The following CNNM2 variants were observed in gnomAD, a reference collection of about 807,000 sequenced individuals.
CNNM2 encodes the protein cyclin and CBS domain divalent metal cation transport mediator 2, also known as metal transporter CNNM2.
A neutral mutation model predicts 66.9 loss-of-function variants in CNNM2; 12 were observed. The observed-to-expected ratio is 0.18, with a 90% CI of 0.11 to 0.29. The LOEUF (loss-of-function observed/expected upper bound fraction) is 0.29, where lower values mean the gene tolerates loss of function less well. Ranked by LOEUF, CNNM2 falls within the 10% of genes least tolerant of loss-of-function variation. The pLI is 1.00. For missense variants in CNNM2, 705 were observed against 1,167.7 expected (o/e 0.60, Z 5.77); for synonymous variants, 557 against 501.8 (o/e 1.11, Z -1.47).
intron 1 of CNNM2, among the ~76,000 whole-genome samples, 190 bp from the exon 2 acceptor site, chr10:103,049,517 C>T (rs575396557): frequency 1.3e-5 from 2 of 152,322 alleles, no homozygotes; most frequent in South Asian, 4.1e-4. Flanking sequence ...TCTGGCGTAA[C>T]TTTCTGCCTT....
At chr10:102,922,764 C>T (rs1332496330) in intron 1 of CNNM2, among the ~76,000 whole-genome samples, 1 of 151,900 alleles carries the variant, frequency 6.6e-6, no homozygotes, top group East Asian at 1.9e-4. Flanking sequence ...TACCTGGTGA[C>T]ACCCCGTGCC....
At chr10:103,048,126 TGTTGGCCAG>T (rs1213270346) in intron 1 of CNNM2, among the ~76,000 whole-genome samples, 16 of 151,824 alleles carry the variant, frequency 1.1e-4, no homozygotes, top group African/African-American at 3.9e-4. Context: ...GGTTTCACCA[TGTTGGCCAG>T]GTTGGTCTTG....
rs2065762423 is a variant in CNNM2 at position 103,082,037 on chromosome 10, A to G, written c.*4857A>G. On this transcript the variant is annotated 3_prime_UTR_variant, in exon 8 of 8. Coordinates refer to ENST00000369878, the MANE Select transcript of CNNM2 (RefSeq NM_017649.5). ...AGGTTGAACTTCAAGCATCATGGAA[A>G]CAAAGGTTCTAGCTGCAAGAGAGTA... 6.6e-6 allele frequency: 1 copy of G among 152,252 alleles called. No homozygotes were observed. The highest frequency in any genetic ancestry group is 6.5e-5 in the Admixed American group (1 of 15,288). The allele number at this position is 152,252 out of a possible 1,614,324, so 9.4% of individuals were successfully genotyped here.
chr10:102,929,072 C>T (rs1232663317), intron 1 of CNNM2, among the ~76,000 whole-genome samples: 2 of 151,716 alleles, frequency 1.3e-5, no homozygotes, highest in Non-Finnish European at 2.9e-5. Context: ...CCAGCATGGC[C>T]AACATGGTGA....
At chr10:102,954,731 C>G (rs1038624596) in intron 1 of CNNM2, among the ~76,000 whole-genome samples, 3 of 152,258 alleles carry the variant, frequency 2.0e-5, no homozygotes, top group Middle Eastern at 3.4e-3. Flanking sequence ...GCTGGTTCTT[C>G]TGGATAGATA....
intron 1 of CNNM2, among the ~76,000 whole-genome samples, chr10:103,006,275 T>C (rs2064225190): frequency 6.6e-6 from 1 of 151,870 alleles, no homozygotes; most frequent in Non-Finnish European, 1.5e-5. Context: ...GTCTGGATCT[T>C]GGCTCACTGC....
At position 102,927,694 on chromosome 10, in the gene CNNM2, G is replaced by A. The variant is rs1435756645; in HGVS notation, c.1621+7593G>A. The A allele has an allele frequency of 9.0e-6, 3 of 332,020 alleles. No individual in the cohort carries two copies. The East Asian group carries it at 1.7e-4, about 19-fold the overall frequency. The allele number at this position is 332,020 out of a possible 1,614,324, so 20.6% of individuals were successfully genotyped here. A position where few individuals can be genotyped will look rare whatever the true frequency, so the allele number is the denominator to read the frequency against. On this transcript the variant is annotated intron_variant, in intron 1 of 7. Transcript: ENST00000369878. Reference sequence around the variant, plus strand: ...ACAGGAGAATCACTTGAACTTAGGTGGCGGAGGTTGCCGTGAGCTGAGATC... The same window carrying A: ...ACAGGAGAATCACTTGAACTTAGGTAGCGGAGGTTGCCGTGAGCTGAGATC...
At chr10:102,975,296 T>C (rs759925411) in intron 1 of CNNM2, among the ~76,000 whole-genome samples, 1 of 152,104 alleles carries the variant, frequency 6.6e-6, no homozygotes, top group Non-Finnish European at 1.5e-5. Flanking sequence ...ACTCATAATA[T>C]ACTATCATGA....
intron 1 of CNNM2, among the ~76,000 whole-genome samples, chr10:103,017,570 G>A (rs1041520735): frequency 6.6e-6 from 1 of 152,174 alleles, no homozygotes; most frequent in African/African-American, 2.4e-5. Context: ...GGGATAATGA[G>A]TGTGAACATG....
At chr10:103,074,090 C>G (rs1443963924) in intron 6 of CNNM2, among the ~76,000 whole-genome samples, 2 of 151,926 alleles carry the variant, frequency 1.3e-5, no homozygotes, top group African/African-American at 4.8e-5. Context: ...GAGTTCAAGA[C>G]CAGCTTAGTC....
intron 1 of CNNM2, among the ~76,000 whole-genome samples, chr10:103,038,120 G>T (rs929248235): frequency 3.7e-4 from 57 of 152,112 alleles, no homozygotes; most frequent in Non-Finnish European, 1.6e-4. Context: ...GATTACAGGC[G>T]TTGAGTCACC....
chr10:102,932,234 A>C (rs1362942496), intron 1 of CNNM2, among the ~76,000 whole-genome samples: 2 of 150,072 alleles, frequency 1.3e-5, no homozygotes, highest in Non-Finnish European at 1.5e-5. Context: ...TCATTTTTTG[A>C]GCAACGGGGT....
At chr10:103,061,121 G>C (rs1015714294) in intron 4 of CNNM2, among the ~76,000 whole-genome samples, 1 of 152,166 alleles carries the variant, frequency 6.6e-6, no homozygotes, top group Non-Finnish European at 1.5e-5. Context: ...AACTGGCCGG[G>C]CGTGGTGGCT....
At chr10:103,043,213 T>A (rs2065072300) in intron 1 of CNNM2, among the ~76,000 whole-genome samples, 1 of 152,170 alleles carries the variant, frequency 6.6e-6, no homozygotes, top group African/African-American at 2.4e-5. Flanking sequence ...TGAGTGGCAT[T>A]TTAGGACCCC....
In CNNM2 at chr10:102,918,894, C is replaced by T. The variant is rs780495399; in HGVS notation, c.414C>T (p.Pro138=). The stretch of plus-strand genomic sequence containing the variant: ...CGGGGGAGCGCGGGCTGGGGGGCCC[C>T]GCGCCGCCAGAGCCGGACAGCGGCC... The part of the protein sequence containing the change: ...HSPGERGLGG[P]APPEPDSGPQ... Residue 138 remains proline (P), a synonymous_variant, in exon 1 of 8, where the codon CCC becomes CCT. Transcript: ENST00000369878. This position sits in a 1 kb window ranked among gnomAD's most constrained non-coding sequence, Gnocchi z 4.1. 2.8e-5 allele frequency: 45 copies of T among 1,609,910 alleles called. No individual in the cohort carries two copies. The highest frequency in any genetic ancestry group is 2.1e-4 in the South Asian group (19 of 90,910).
In CNNM2 at chr10:103,087,140, A is replaced by ATTTTTTTTTTTTTTTTTTTTTTTTTT. The variant is rs71019655; in HGVS notation, c.*9967_*9992dup. ...TTCTCACGGTATAAAACTCCGCAGGATTTTTTTTTTTTTTTTTTTTTTTTT... is the reference window on the plus strand; with the variant it reads ...TTCTCACGGTATAAAACTCCGCAGGATTTTTTTTTTTTTTTTTTTTTTTTTTTTTTTTTTTTTTTTTTTTTTTTTTT... On this transcript the variant is annotated 3_prime_UTR_variant, in exon 8 of 8. Coordinates refer to ENST00000369878, the MANE Select transcript of CNNM2 (RefSeq NM_017649.5). 5.3e-5 allele frequency: 4 copies of ATTTTTTTTTTTTTTTTTTTTTTTTTT among 75,380 alleles called. 1 individual carries two copies. The highest frequency in any genetic ancestry group is 9.4e-5 in the Non-Finnish European group (4 of 42,738). The allele number at this position is 75,380 out of a possible 1,614,324, so 4.7% of individuals were successfully genotyped here. A position where few individuals can be genotyped will look rare whatever the true frequency, so the allele number is the denominator to read the frequency against.
intron 1 of CNNM2, among the ~76,000 whole-genome samples, chr10:102,968,811 G>C: frequency 6.6e-6 from 1 of 151,196 alleles, no homozygotes; most frequent in East Asian, 1.9e-4. Context: ...ATGTTGCCTA[G>C]TCTGGTCTCA....
chr10:103,066,132 A>C (rs143344631), intron 4 of CNNM2, among the ~76,000 whole-genome samples: 2 of 152,112 alleles, frequency 1.3e-5, no homozygotes, highest in Non-Finnish European at 2.9e-5. Context: ...TGCCCCTGGA[A>C]TTCTCCTGAC....
chr10:102,923,849 C>A (rs757997395), intron 1 of CNNM2, among the ~76,000 whole-genome samples: 1 of 152,138 alleles, frequency 6.6e-6, no homozygotes, highest in Non-Finnish European at 1.5e-5. Context: ...GCTGTTTTTC[C>A]CATAGCTAAA....
Sources: gnomAD v4.1 joint callset for allele counts (sites outside exome capture counted in the v4.1 genomes callset) on GRCh38, gnomAD v4.1.1 for gene constraint, Gnocchi (gnomAD v3.1) non-coding constraint, MANE v1.5 for transcripts, NCBI Gene and HGNC (gene_info 2026-07-23, HGNC 2026-07-21) for gene names.